Variants in HECTD4 observed in about 807,000 individuals in gnomAD.
HECTD4 encodes probable E3 ubiquitin-protein ligase HECTD4.
In HECTD4, 114 loss-of-function variants were observed where a neutral mutation model predicts 471.5. That is an observed-to-expected ratio of 0.24 (90% CI 0.21 to 0.28). HECTD4 has a LOEUF of 0.28. HECTD4 is among the 10% of genes least tolerant of loss of function. HECTD4 has a pLI of 1.00. For missense variants in HECTD4, 3,866 were observed against 5,651.5 expected (o/e 0.68, Z 10.13); for synonymous variants, 2,012 against 2,256.0 (o/e 0.89, Z 3.07).
chr12:112,355,440 G>A (rs1006609689), intron 1 of HECTD4, among the ~76,000 whole-genome samples: 9 of 151,120 alleles, frequency 6.0e-5, no homozygotes, highest in African/African-American at 1.9e-4. Flanking sequence ...CAGCCTGGGC[G>A]ACCGAGCAAG....
intron 1 of HECTD4, among the ~76,000 whole-genome samples, chr12:112,367,904 G>C (rs2036598636): frequency 7.0e-6 from 1 of 143,266 alleles, no homozygotes. Context: ...CCCATAAATA[G>C]CTACATCTAT....
At position 112,192,729 on chromosome 12, in the gene HECTD4, G is replaced by A. The variant is rs577558956; in HGVS notation, c.9123C>T (p.Leu3041=). The stretch of plus-strand genomic sequence containing the variant: ...TCACTTTGTGGCCGAGGCCATATAC[G>A]AGCACCCGTGCCCACGGTGCCTTGT... ...SLYKAPWARV[L]VYGLGHKVKR... Residue 3041 remains leucine, a synonymous_variant, in exon 59 of 76, where the codon CTC becomes CTT. Coordinates refer to ENST00000682272, the MANE Select transcript of HECTD4 (RefSeq NM_001388303.1). 14 of 1,594,502 alleles carry A rather than the reference G, an allele frequency of 8.8e-6. No homozygotes were observed. The highest frequency in any genetic ancestry group is 3.5e-5 in the Admixed American group (2 of 56,578).
rs773329885 is a variant in HECTD4, at chr12:112,193,493, C to T, written c.8931G>A (p.Thr2977=). The T allele has an allele frequency of 6.2e-6, 10 of 1,610,140 alleles. No homozygotes were observed. In the East Asian group the frequency reaches 1.3e-4, roughly 22 times the overall value. The change falls in exon 57 of 76, where the codon ACG becomes ACA. Residue 2977 remains threonine, a synonymous_variant. Transcript: ENST00000682272. The surrounding 1 kb of genome is among the most constrained non-coding windows in gnomAD (Gnocchi z 5.2). ...CCTGCAGGAAAGAGCAGATCTGTTT[C>T]GTCAGCTCTAAAAGGCTCTCCTCGC... ...HQGEESLLEL[T]KQICSFLQTA...
intron 51 of HECTD4, 89 bp from the exon 52 acceptor site, chr12:112,208,089 C>A: frequency 1.1e-5 from 16 of 1,406,176 alleles, no homozygotes; most frequent in Non-Finnish European, 1.3e-5. Flanking sequence ...ACCCTGAGGT[C>A]TTCACCCCAC....
At position 112,219,473 on chromosome 12, in the gene HECTD4, A is replaced by C. The variant is rs1028591453; in HGVS notation, c.6987T>G (p.Val2329=). The C allele has an allele frequency of 1.2e-6, 2 of 1,613,570 alleles. No individual in the cohort carries two copies. Among genetic ancestry groups the C allele is most frequent in the South Asian group, 1.1e-5 (1 of 90,956 alleles). The part of the protein sequence containing the change: ...QECSAGERLA[V]VEVQCERLRM... ...TCAGCCGTTCACACTGTACCTCCAC[A>C]ACTGCAAGTCGCTCTCCTGTAGAGG... Residue 2329 remains valine, a synonymous_variant, in exon 45 of 76, where the codon GTT becomes GTG. Coordinates refer to ENST00000682272, the MANE Select transcript of HECTD4 (RefSeq NM_001388303.1).
rs375546582 is a variant in HECTD4, at chr12:112,306,683, C to T, written c.1165-449G>A. Among the ~76,000 whole-genome samples, 13 of 151,668 alleles carry T rather than the reference C, an allele frequency of 8.6e-5. No homozygotes were observed. In the South Asian group the frequency reaches 1.5e-3, roughly 17 times the overall value. ...TCACCTCTATATCTCCAGTACCTAA[C>T]GGAAAGCCTAACTCAAAGTTATTTA... On this transcript the variant is annotated intron_variant, in intron 6 of 75. Coordinates refer to ENST00000682272, the MANE Select transcript of HECTD4 (RefSeq NM_001388303.1).
At chr12:112,209,950 T>C (rs1471258246) in intron 50 of HECTD4, 65 bp downstream of exon 50, 7 of 1,335,312 alleles carry the variant, frequency 5.2e-6, no homozygotes, top group African/African-American at 4.3e-5. Context: ...AATGGGTTTA[T>C]GGAATTCATA....
intron 1 of HECTD4, among the ~76,000 whole-genome samples, chr12:112,346,955 T>C (rs1218743611): frequency 1.3e-5 from 2 of 152,154 alleles, no homozygotes; most frequent in Non-Finnish European, 2.9e-5. Flanking sequence ...CAAGGCAAAT[T>C]GGAGAATTCA....
intron 69 of HECTD4, 190 bp from the exon 70 acceptor site, chr12:112,169,848 C>G (rs1034015867): frequency 3.0e-6 from 2 of 660,184 alleles, no homozygotes; most frequent in African/African-American, 3.6e-5. Flanking sequence ...ATGGCTCCCA[C>G]TTTTGGAACC....
chr12:112,250,835 T>A (rs1483648980), intron 24 of HECTD4, 136 bp downstream of exon 24: 1 of 808,788 alleles, frequency 1.2e-6, no homozygotes, highest in Non-Finnish European at 1.9e-6. Flanking sequence ...ATCTTATTTT[T>A]CTTAGACACA....
At position 112,235,816 on chromosome 12, in the gene HECTD4, C is replaced by T. The variant is rs373534644; in HGVS notation, c.5445-32G>A. On this transcript the variant is annotated intron_variant, in intron 35 of 75. Transcript: ENST00000682272. This position sits in a 1 kb window ranked among gnomAD's most constrained non-coding sequence, Gnocchi z 5.0. ...AAAAAGGAAGAAAAGGTACACAGTG[C>T]TAGAAATGTTGATCTATAGACATTC... The T allele has an allele frequency of 1.9e-6, 3 of 1,568,434 alleles. No homozygotes were observed. The highest frequency in any genetic ancestry group is 2.7e-5 in the African/African-American group (2 of 73,874).
At chr12:112,196,473 A>G (rs1421625988) in intron 55 of HECTD4, among the ~76,000 whole-genome samples, 1 of 152,190 alleles carries the variant, frequency 6.6e-6, no homozygotes, top group African/African-American at 2.4e-5. Context: ...AACAAAGCAC[A>G]TGAGGACCAC....
Position 112,258,568 on chromosome 12 carries a change from G to C in HECTD4, c.3056C>G (p.Pro1019Arg). The C allele has an allele frequency of 1.2e-6, 2 of 1,605,648 alleles. No individual in the cohort carries two copies. Among genetic ancestry groups the C allele is most frequent in the East Asian group, 2.3e-5 (1 of 44,032 alleles). ...QTALLLKTQC[P>R]VFAEVGCSPC... ...GGAACAGCCCACCTCAGCAAAAACC[G>C]GACACTGGGTTTTAAGCAGCAACGC... Residue 1019 changes from proline to arginine, a missense_variant, in exon 20 of 76, where the codon CCG (proline) becomes CGG (arginine). Pro to Arg is a moderately radical substitution (Grantham distance 103, BLOSUM62 -2). Around this residue, in one of 16 missense-constraint regions of HECTD4, gnomAD observed 525 missense variants for 672.6 expected, o/e 0.78. Coordinates refer to ENST00000682272, the MANE Select transcript of HECTD4 (RefSeq NM_001388303.1).
intron 44 of HECTD4, among the ~76,000 whole-genome samples, chr12:112,221,812 C>T (rs1354062429): frequency 7.3e-5 from 11 of 149,686 alleles, no homozygotes; most frequent in African/African-American, 1.7e-4. Flanking sequence ...TGGAGTGCAA[C>T]GGCATGATCT....
At chr12:112,376,717 G>T (rs574052054) in intron 1 of HECTD4, among the ~76,000 whole-genome samples, 1 of 152,080 alleles carries the variant, frequency 6.6e-6, no homozygotes, top group African/African-American at 2.4e-5. Context: ...TCTTGCTGTC[G>T]TCTCTGTATG....
At chr12:112,174,752 C>T (rs577502940) in intron 66 of HECTD4, among the ~76,000 whole-genome samples, 7 of 151,866 alleles carry the variant, frequency 4.6e-5, no homozygotes, top group Non-Finnish European at 7.4e-5. Flanking sequence ...TTAGTAGAGA[C>T]GGGGTTTCAC....
intron 37 of HECTD4, among the ~76,000 whole-genome samples, chr12:112,233,757 G>A (rs971050879): frequency 2.0e-5 from 3 of 152,058 alleles, no homozygotes; most frequent in Non-Finnish European, 2.9e-5. Flanking sequence ...GAACTTTAAC[G>A]ACACCATAGA....
At chr12:112,376,500 C>A (rs1464890519) in intron 1 of HECTD4, among the ~76,000 whole-genome samples, 1 of 152,212 alleles carries the variant, frequency 6.6e-6, no homozygotes. Flanking sequence ...CCCGCCGTGG[C>A]CTCCCAAAGT....
rs368597295 is a variant in HECTD4 at position 112,254,268 on chromosome 12, G to A, written c.3328-106C>T. Reference sequence around the variant, plus strand: ...TTGTTTAAAATACAATTATAACCAGGCATTGGTGTCATTATAGTATAACTA... The same window carrying A: ...TTGTTTAAAATACAATTATAACCAGACATTGGTGTCATTATAGTATAACTA... On this transcript the variant is annotated intron_variant, in intron 21 of 75. Transcript: ENST00000682272. The A allele has an allele frequency of 1.8e-5, 24 of 1,357,854 alleles. 1 individual carries two copies. Among genetic ancestry groups the A allele is most frequent in the African/African-American group, 1.3e-4 (9 of 68,768 alleles). The allele number at this position is 1,357,854 out of a possible 1,614,324, so 84.1% of individuals were successfully genotyped here. A position where few individuals can be genotyped will look rare whatever the true frequency, so the allele number is the denominator to read the frequency against.
Sources: gnomAD v4.1 joint callset for allele counts (sites outside exome capture counted in the v4.1 genomes callset) on GRCh38, gnomAD v4.1.1 for gene constraint, gnomAD v4.1.1 regional missense constraint, Gnocchi (gnomAD v3.1) non-coding constraint, MANE v1.5 for transcripts, NCBI Gene and HGNC (gene_info 2026-07-23, HGNC 2026-07-21) for gene names.